The following CTNNA2 variants were observed in gnomAD, a reference collection of about 807,000 sequenced individuals.
CTNNA2 encodes catenin alpha 2.
Under a neutral mutation model 101.0 loss-of-function variants are expected in CTNNA2, and 42 were observed. The observed-to-expected ratio is 0.42, with a 90% confidence interval of 0.32 to 0.54. The LOEUF (loss-of-function observed/expected upper bound fraction) is 0.54. CTNNA2 is among the 20% of genes least tolerant of loss of function. The pLI is 0.14. For missense variants in CTNNA2, 871 were observed against 1,223.1 expected (o/e 0.71, Z 4.29); for synonymous variants, 450 against 456.4 (o/e 0.99, Z 0.18).
intron 5 of CTNNA2, among the ~76,000 whole-genome samples, chr2:79,870,619 A>G (rs373143195): frequency 1.3e-5 from 2 of 152,246 alleles, no homozygotes; most frequent in East Asian, 3.9e-4. Flanking sequence ...GAGACTGGGT[A>G]ATTTCTAAAG....
intron 1 of CTNNA2, among the ~76,000 whole-genome samples, chr2:79,625,770 T>G (rs762848260): frequency 2.6e-5 from 4 of 152,170 alleles, no homozygotes; most frequent in Non-Finnish European, 5.9e-5. Flanking sequence ...CACTGATACT[T>G]TGCCTTTGGT....
intron 4 of CTNNA2, among the ~76,000 whole-genome samples, chr2:79,436,289 T>C (rs2104514403): frequency 6.6e-6 from 1 of 152,266 alleles, no homozygotes; most frequent in Non-Finnish European, 1.5e-5. Context: ...AAGCAAGTGA[T>C]TGGAAATTAT....
intron 3 of CTNNA2, among the ~76,000 whole-genome samples, chr2:79,842,541 A>G (rs190183585): frequency 7.4e-4 from 112 of 152,284 alleles, no homozygotes; most frequent in African/African-American, 2.6e-3. Flanking sequence ...CCCTTGTGTT[A>G]TAAGTTTTTC....
chr2:80,607,206 T>C (rs1698103681), intron 16 of CTNNA2, among the ~76,000 whole-genome samples: 1 of 151,874 alleles, frequency 6.6e-6, no homozygotes, highest in Non-Finnish European at 1.5e-5. Context: ...CAGTTGTGGC[T>C]GTAGGTACTT....
chr2:79,252,242 T>C (rs1674782546), intron 2 of CTNNA2, among the ~76,000 whole-genome samples: 1 of 152,060 alleles, frequency 6.6e-6, no homozygotes, highest in South Asian at 2.1e-4. Flanking sequence ...GCTTGACTTC[T>C]GATCAAGTTT....
At chr2:79,671,199 TA>T (rs1201611130) in intron 2 of CTNNA2, among the ~76,000 whole-genome samples, 4 of 152,132 alleles carry the variant, frequency 2.6e-5, no homozygotes, top group Non-Finnish European at 1.5e-5. Context: ...ACACTATATC[TA>T]ATGTGTTAAA....
In CTNNA2 at chr2:79,318,116, T is replaced by A. The variant is rs186112710; in HGVS notation, c.-318+5320T>A. ...TTATGATATGTTTTTGTAAAAAAAA[T>A]TCTACCAAATATAAATACTTCGATT... On this transcript the variant is annotated intron_variant, in intron 3 of 21. Coordinates refer to the CTNNA2 transcript ENST00000466387. Among the ~76,000 whole-genome samples the A allele has an allele frequency of 6.7e-3, 1,027 of 152,188 alleles. 4 individuals are homozygous for A. The highest frequency in any genetic ancestry group is 0.016 in the South Asian group (78 of 4,828).
chr2:79,901,127 G>A (rs1212013016), intron 6 of CTNNA2, among the ~76,000 whole-genome samples: 1 of 151,624 alleles, frequency 6.6e-6, no homozygotes, highest in African/African-American at 2.4e-5. Flanking sequence ...TAGGTTTTCT[G>A]GTTTTCATTG....
chr2:80,154,231 G>C (rs949182377), intron 7 of CTNNA2, among the ~76,000 whole-genome samples: 1 of 152,052 alleles, frequency 6.6e-6, no homozygotes, highest in South Asian at 2.1e-4. Context: ...TGGCTATTAA[G>C]CATTTTTTTT....
At chr2:79,384,387 TCTCTCTC>T (rs1678074285) in intron 4 of CTNNA2, among the ~76,000 whole-genome samples, 2 of 33,824 alleles carry the variant, frequency 5.9e-5, no homozygotes, top group Non-Finnish European at 1.3e-4. Flanking sequence ...TCTCTCTCTC[TCTCTCTC>T]TCTCTCTCTC....
chr2:80,489,837 G>C (rs1686898227), intron 9 of CTNNA2, among the ~76,000 whole-genome samples: 1 of 152,118 alleles, frequency 6.6e-6, no homozygotes, highest in South Asian at 2.1e-4. Context: ...ATTCAACCTA[G>C]AGCCTTGCTC....
At chr2:79,863,249 T>C (rs1251364405) in intron 4 of CTNNA2, among the ~76,000 whole-genome samples, 5 of 152,186 alleles carry the variant, frequency 3.3e-5, no homozygotes, top group Non-Finnish European at 7.3e-5. Flanking sequence ...TATGCTAATT[T>C]CTTAGTTAAC....
intron 2 of CTNNA2, among the ~76,000 whole-genome samples, chr2:79,218,949 T>C (rs1674304920): frequency 6.6e-6 from 1 of 152,232 alleles, no homozygotes; most frequent in Non-Finnish European, 1.5e-5. Context: ...AAATCCTCCA[T>C]AATTTTACCA....
intron 3 of CTNNA2, among the ~76,000 whole-genome samples, chr2:79,814,255 G>A (rs1322665285): frequency 2.6e-5 from 4 of 152,200 alleles, no homozygotes; most frequent in Admixed American, 6.5e-5. Flanking sequence ...CTTTTTTGTA[G>A]GTTATTGGGG....
intron 8 of CTNNA2, among the ~76,000 whole-genome samples, chr2:80,408,170 T>C (rs1679236617): frequency 1.3e-5 from 2 of 152,172 alleles, no homozygotes. Flanking sequence ...GAGTTTTGTC[T>C]GGGTTCCTCC....
intron 3 of CTNNA2, among the ~76,000 whole-genome samples, chr2:79,850,446 CCTTT>C (rs1259820949): frequency 6.8e-6 from 1 of 147,612 alleles, no homozygotes; most frequent in Non-Finnish European, 1.5e-5. Flanking sequence ...TCCCTTCCTT[CCTTT>C]CTTTCTCCCT....
At chr2:79,913,808 A>G (rs1256101989) in intron 7 of CTNNA2, among the ~76,000 whole-genome samples, 1 of 152,220 alleles carries the variant, frequency 6.6e-6, no homozygotes, top group Non-Finnish European at 1.5e-5. Context: ...TATCAATTGC[A>G]GCTCATATGA....
chr2:80,356,496 T>A (rs57090142), intron 7 of CTNNA2, among the ~76,000 whole-genome samples: 16,642 of 152,084 alleles, frequency 0.11, 2,480 homozygotes, highest in African/African-American at 0.34. Flanking sequence ...TAATAAACAT[T>A]TATTGTGTAC....
intron 1 of CTNNA2, among the ~76,000 whole-genome samples, chr2:79,529,066 A>G (rs1051069662): frequency 6.6e-6 from 1 of 152,204 alleles, no homozygotes; most frequent in Non-Finnish European, 1.5e-5. Context: ...CTTGAAGAAC[A>G]TGTAAAACTT....
Sources: allele counts gnomAD v4.1 joint callset (sites outside exome capture counted in the v4.1 genomes callset), GRCh38; gene constraint gnomAD v4.1.1; transcripts MANE v1.5; gene names NCBI Gene and HGNC (gene_info 2026-07-23, HGNC 2026-07-21).